SUGCT: variants seen among roughly 807,000 people sequenced by gnomAD.
The protein encoded by SUGCT is succinyl-CoA:glutarate CoA-transferase.
Under a neutral mutation model 55.0 loss-of-function variants are expected in SUGCT, and 41 were observed. The ratio of observed to expected loss-of-function variants is 0.74; its 90% confidence interval spans 0.58 to 0.97. The LOEUF (loss-of-function observed/expected upper bound fraction) is 0.97. SUGCT is among the 50% of genes least tolerant of loss of function. SUGCT has a pLI of 0.00. For synonymous variants in SUGCT, 187 were observed against 200.4 expected (o/e 0.93, Z 0.56); for missense variants, 568 against 547.8 (o/e 1.04, Z -0.37).
intron 10 of SUGCT, among the ~76,000 whole-genome samples, chr7:40,457,060 T>C (rs1789527537): frequency 6.6e-6 from 1 of 151,532 alleles, no homozygotes; most frequent in African/African-American, 2.4e-5. Context: ...TGTTTTGTTA[T>C]TTTCTTTTTT....
At chr7:41,006,959 G>A in the SUGCT span, among the ~76,000 whole-genome samples, 1 of 152,190 alleles carries the variant, frequency 6.6e-6, no homozygotes, top group Non-Finnish European at 1.5e-5. Context: ...ATCCACTGAA[G>A]TGATGGGCTC....
intron 13 of SUGCT, among the ~76,000 whole-genome samples, chr7:40,775,890 C>A (rs1466492603): frequency 6.6e-6 from 1 of 152,184 alleles, no homozygotes; most frequent in African/African-American, 2.4e-5. Flanking sequence ...ATGGTTCTGC[C>A]TCTGGAATTG....
At chr7:40,151,045 G>A (rs368809773) in intron 1 of SUGCT, among the ~76,000 whole-genome samples, 1 of 152,034 alleles carries the variant, frequency 6.6e-6, no homozygotes, top group Non-Finnish European at 1.5e-5. Context: ...GACCTTGCTG[G>A]CCAACATGGT....
intron 8 of SUGCT, among the ~76,000 whole-genome samples, chr7:40,296,423 AGAAGG>A (rs1794147782): frequency 6.6e-6 from 1 of 152,132 alleles, no homozygotes; most frequent in South Asian, 2.1e-4. Context: ...ATGTTTCTGG[AGAAGG>A]CTTTTTGTGT....
chr7:40,382,975 G>A (rs1308946371), intron 9 of SUGCT, among the ~76,000 whole-genome samples: 4 of 152,114 alleles, frequency 2.6e-5, no homozygotes, highest in African/African-American at 9.7e-5. Flanking sequence ...TGTACAAGAA[G>A]AAGCTTGGAT....
chr7:40,414,987 C>G (rs1413386417), intron 9 of SUGCT, among the ~76,000 whole-genome samples: 5 of 147,422 alleles, frequency 3.4e-5, no homozygotes, highest in African/African-American at 5.0e-5. Flanking sequence ...GGATGTTGCA[C>G]TGAGCCGAGG....
At chr7:40,381,294 A>C (rs1190265532) in intron 9 of SUGCT, among the ~76,000 whole-genome samples, 1 of 152,042 alleles carries the variant, frequency 6.6e-6, no homozygotes, top group East Asian at 1.9e-4. Context: ...AGCAATAATA[A>C]ATTTTTAATA....
intron 9 of SUGCT, among the ~76,000 whole-genome samples, chr7:40,428,935 T>C (rs1356628320): frequency 6.6e-6 from 1 of 152,218 alleles, no homozygotes; most frequent in East Asian, 1.9e-4. Context: ...GCAGGTCTAG[T>C]AGTAAAGAAT....
At chr7:40,262,387 A>G (rs1367663744) in intron 7 of SUGCT, among the ~76,000 whole-genome samples, 2 of 151,234 alleles carry the variant, frequency 1.3e-5, no homozygotes, top group East Asian at 3.9e-4. Context: ...GCGGTGGCTC[A>G]TGCCTGTAGT....
chr7:40,862,680 A>G (rs1236051540), downstream of SUGCT, among the ~76,000 whole-genome samples: 2 of 151,108 alleles, frequency 1.3e-5, no homozygotes, highest in East Asian at 3.9e-4. Flanking sequence ...CAGTGGGGTA[A>G]TCGTTACAGA....
chr7:40,513,198 A>G (rs749054981), intron 12 of SUGCT, among the ~76,000 whole-genome samples: 11 of 152,138 alleles, frequency 7.2e-5, no homozygotes, highest in Non-Finnish European at 1.5e-4. Flanking sequence ...CTTGCCCACC[A>G]TAACTGTTCA....
At chr7:40,192,769 C>T in intron 5 of SUGCT, among the ~76,000 whole-genome samples, 1 of 151,132 alleles carries the variant, frequency 6.6e-6, no homozygotes, top group African/African-American at 2.4e-5. Flanking sequence ...GTAGCTGGGA[C>T]TTCAGGTGCC....
At chr7:40,793,144 T>G (rs965461789) in intron 13 of SUGCT, 4 of 152,112 alleles carry the variant, frequency 2.6e-5, no homozygotes, top group Admixed American at 2.0e-4. Flanking sequence ...AATTTGATTC[T>G]AGATGGAATT....
At chr7:40,348,167 T>C (rs1797424009) in intron 9 of SUGCT, among the ~76,000 whole-genome samples, 1 of 152,204 alleles carries the variant, frequency 6.6e-6, no homozygotes, top group Admixed American at 6.5e-5. Flanking sequence ...ACTTACAGAC[T>C]GGGGTAATTA....
At chr7:40,629,968 T>A (rs1393446172) in intron 12 of SUGCT, among the ~76,000 whole-genome samples, 1 of 152,108 alleles carries the variant, frequency 6.6e-6, no homozygotes, top group Admixed American at 6.5e-5. Flanking sequence ...ATTGGAGAAA[T>A]AAAAGCCTAG....
intron 8 of SUGCT, among the ~76,000 whole-genome samples, chr7:40,297,616 T>C (rs910668477): frequency 6.6e-6 from 1 of 152,160 alleles, no homozygotes; most frequent in Non-Finnish European, 1.5e-5. Context: ...TCCAGACCTT[T>C]AGCATTAAAT....
intron 12 of SUGCT, among the ~76,000 whole-genome samples, chr7:40,513,087 G>A (rs1793026257): frequency 6.6e-6 from 1 of 152,138 alleles, no homozygotes; most frequent in Non-Finnish European, 1.5e-5. Flanking sequence ...GGGGAGATCA[G>A]TCCCATGGTG....
intron 13 of SUGCT, among the ~76,000 whole-genome samples, chr7:40,840,253 A>G (rs921824790): frequency 2.6e-5 from 4 of 152,162 alleles, no homozygotes; most frequent in African/African-American, 9.6e-5. Flanking sequence ...CATTATGTGA[A>G]TAATAATCCT....
intron 12 of SUGCT, among the ~76,000 whole-genome samples, chr7:40,535,295 C>T (rs1794301274): frequency 6.6e-6 from 1 of 152,148 alleles, no homozygotes; most frequent in African/African-American, 2.4e-5. Context: ...GTTAGTTGGT[C>T]AACCCTTGTT....
Sources: allele counts gnomAD v4.1 joint callset (sites outside exome capture counted in the v4.1 genomes callset), GRCh38; gene constraint gnomAD v4.1.1; transcripts MANE v1.5; gene names NCBI Gene and HGNC (gene_info 2026-07-23, HGNC 2026-07-21).